Variants in ARHGAP24 observed in about 807,000 individuals in gnomAD.
The protein encoded by ARHGAP24 is rho GTPase-activating protein 24.
ARHGAP24 carries 50 observed loss-of-function variants against 76.4 expected under a neutral mutation model. The observed-to-expected ratio is 0.65, with a 90% confidence interval of 0.52 to 0.83. ARHGAP24 has a LOEUF of 0.83. Ranked by LOEUF, ARHGAP24 falls within the 40% of genes least tolerant of loss-of-function variation. The pLI is 0.00. For missense variants in ARHGAP24, 930 were observed against 914.2 expected, an observed-to-expected ratio of 1.02 and a Z score of -0.22; for synonymous variants, 345 against 323.3, an observed-to-expected ratio of 1.07 and a Z score of -0.72.
chr4:85,551,396 T>C (rs1476653212), intron 1 of ARHGAP24, among the ~76,000 whole-genome samples: 1 of 152,190 alleles, frequency 6.6e-6, no homozygotes, highest in East Asian at 1.9e-4. Context: ...TCATGGTGGA[T>C]TAGCTATTCA....
At position 85,499,099 on chromosome 4, in the gene ARHGAP24, A is replaced by G. The variant is rs114288671; in HGVS notation, c.-21+23540A>G. Among the ~76,000 whole-genome samples, 684 of 152,290 alleles carry G rather than the reference A, an allele frequency of 4.5e-3. 7 individuals are homozygous for G. Among genetic ancestry groups the G allele is most frequent in the African/African-American group, 0.015 (630 of 41,560 alleles). ...GCTTCGTAGTTATTACTAAGTGGTT[A>G]TCACTTTCATTAGACCTTGCTTAGA... On this transcript the variant is annotated intron_variant, in intron 1 of 9. Transcript: ENST00000395184.
chr4:85,867,859 A>G (rs1268920539), intron 3 of ARHGAP24, among the ~76,000 whole-genome samples: 1 of 146,562 alleles, frequency 6.8e-6, no homozygotes, highest in Non-Finnish European at 1.5e-5. Flanking sequence ...ATATTTATAT[A>G]TAACATATAT....
At chr4:85,690,815 G>A (rs1336600042) in intron 2 of ARHGAP24, among the ~76,000 whole-genome samples, 1 of 148,816 alleles carries the variant, frequency 6.7e-6, no homozygotes, top group Non-Finnish European at 1.5e-5. Context: ...CTTTTGTATG[G>A]ACTTTTGCAT....
At chr4:85,889,558 G>A (rs1296135006) in intron 3 of ARHGAP24, among the ~76,000 whole-genome samples, 2 of 152,084 alleles carry the variant, frequency 1.3e-5, no homozygotes, top group East Asian at 3.8e-4. Flanking sequence ...AGTATACAAG[G>A]CGATTTTATA....
At chr4:85,630,634 G>A (rs1721128608) in intron 2 of ARHGAP24, among the ~76,000 whole-genome samples, 1 of 152,082 alleles carries the variant, frequency 6.6e-6, no homozygotes, top group South Asian at 2.1e-4. Context: ...TAGAGACTGT[G>A]TCCACAGGAG....
At chr4:85,749,261 A>C (rs997374417) in intron 3 of ARHGAP24, among the ~76,000 whole-genome samples, 4 of 152,232 alleles carry the variant, frequency 2.6e-5, no homozygotes, top group African/African-American at 7.2e-5. Flanking sequence ...CTTTACATTC[A>C]AATAGTTGCT....
chr4:85,944,333 T>C (rs1298717676), intron 5 of ARHGAP24, among the ~76,000 whole-genome samples: 5 of 152,222 alleles, frequency 3.3e-5, no homozygotes, highest in African/African-American at 1.2e-4. Context: ...ATAAGAGTAA[T>C]CCTGATGCTT....
At chr4:85,573,354 C>CT (rs1248829308) in intron 2 of ARHGAP24, among the ~76,000 whole-genome samples, 2 of 152,118 alleles carry the variant, frequency 1.3e-5, no homozygotes, top group African/African-American at 4.8e-5. Flanking sequence ...TACAAACATT[C>CT]TATATTGTTC....
chr4:85,730,986 GCACACACACA>G lies in ARHGAP24; in HGVS notation c.268+9047_268+9056del, dbSNP rs200255967. Among the ~76,000 whole-genome samples the G allele has an allele frequency of 1.7e-3, 229 of 133,936 alleles. 1 individual carries two copies. The highest frequency in any genetic ancestry group is 1.4e-3 in the African/African-American group (51 of 36,406). 87.9% of individuals were successfully genotyped at this position (133,936 alleles called of 152,430 possible). On this transcript the variant is annotated intron_variant, in intron 3 of 9. Transcript: ENST00000395184. The stretch of plus-strand genomic sequence containing the variant: ...ATACAATGACTCATTTAATATAACT[GCACACACACA>G]CACACACACACACACACACACACAC...
At position 85,783,470 on chromosome 4, in the gene ARHGAP24, CTT is replaced by C. The variant is rs879362490; in HGVS notation, c.268+61509_268+61510del. Among the ~76,000 whole-genome samples, 509 of 145,336 alleles carry C rather than the reference CTT, an allele frequency of 3.5e-3. 1 individual carries two copies. The highest frequency in any genetic ancestry group is 0.012 in the African/African-American group (482 of 39,760). ...CTTGGAAATTAGTGAGTCCTGATCA[CTT>C]TTTTTTTTTTAAGAGTAGGAGAACT... On this transcript the variant is annotated intron_variant, in intron 3 of 9. Coordinates refer to ENST00000395184, the MANE Select transcript of ARHGAP24 (RefSeq NM_001025616.3).
Position 85,861,811 on chromosome 4 carries a change from GT to G in ARHGAP24, c.269-61833del, listed in dbSNP as rs770669732. Among the ~76,000 whole-genome samples the G allele has an allele frequency of 3.9e-5, 6 of 152,090 alleles. No individual in the cohort carries two copies. The South Asian group carries it at 6.2e-4, about 16-fold the overall frequency. ...TGAAAGATCCCCGCATGAGCCTAAG[GT>G]TTTCCCTGCTTCCGAACACTATACA... On this transcript the variant is annotated intron_variant, in intron 3 of 9. Transcript: ENST00000395184.
Position 85,841,023 on chromosome 4 carries a change from T to C in ARHGAP24, c.269-82625T>C, listed in dbSNP as rs999232896. Among the ~76,000 whole-genome samples the C allele has an allele frequency of 2.0e-5, 3 of 152,332 alleles. 1 individual carries two copies. Among genetic ancestry groups the C allele is most frequent in the Admixed American group, 2.0e-4 (3 of 15,304 alleles). On this transcript the variant is annotated intron_variant, in intron 3 of 9. Transcript: ENST00000395184. ...ACCATAATACCTGTTAGAGAAACCA[T>C]AGAGAAAGTTATTTTGTTTTACTTA...
At chr4:85,760,692 A>G (rs1726699914) in intron 3 of ARHGAP24, among the ~76,000 whole-genome samples, 1 of 152,214 alleles carries the variant, frequency 6.6e-6, no homozygotes, top group Admixed American at 6.5e-5. Flanking sequence ...ACAAGATGCA[A>G]GAAGAACAGA....
chr4:85,751,966 G>T (rs1726281545), intron 3 of ARHGAP24, among the ~76,000 whole-genome samples: 1 of 152,186 alleles, frequency 6.6e-6, no homozygotes, highest in Admixed American at 6.5e-5. Context: ...ATTCTAGCTT[G>T]AATAAATCAA....
intron 1 of ARHGAP24, among the ~76,000 whole-genome samples, chr4:85,510,801 T>G (rs958214036): frequency 2.4e-5 from 3 of 124,106 alleles, no homozygotes; most frequent in Admixed American, 9.1e-5. Context: ...GCCCCTCCCC[T>G]TCCTCCTCCT....
intron 2 of ARHGAP24, among the ~76,000 whole-genome samples, chr4:85,602,568 A>G (rs1720069790): frequency 1.3e-5 from 2 of 152,164 alleles, no homozygotes; most frequent in South Asian, 2.1e-4. Flanking sequence ...TTGCAATACC[A>G]CCTTTTAAAC....
intron 8 of ARHGAP24, among the ~76,000 whole-genome samples, chr4:85,987,814 T>C (rs755773610): frequency 2.6e-4 from 40 of 151,398 alleles, no homozygotes; most frequent in Non-Finnish European, 5.3e-4. Flanking sequence ...TTGATGAAAA[T>C]TACAAACACA....
At chr4:85,931,149 C>G (rs776695655) in intron 4 of ARHGAP24, 7 of 1,184,874 alleles carry the variant, frequency 5.9e-6, no homozygotes, top group Non-Finnish European at 7.1e-6. Context: ...AAACCAAGAG[C>G]TTAGGACTGT....
chr4:85,963,778 G>C (rs1004708689), intron 5 of ARHGAP24, among the ~76,000 whole-genome samples: 2 of 151,930 alleles, frequency 1.3e-5, no homozygotes, highest in African/African-American at 4.8e-5. Flanking sequence ...ATACATATTT[G>C]TTTATTTATG....
Sources: allele counts gnomAD v4.1 joint callset (sites outside exome capture counted in the v4.1 genomes callset), GRCh38; gene constraint gnomAD v4.1.1; transcripts MANE v1.5; gene names NCBI Gene and HGNC (gene_info 2026-07-23, HGNC 2026-07-21).